Variants in MAGI2 observed in about 807,000 individuals in gnomAD.
MAGI2 encodes the protein membrane associated guanylate kinase, WW and PDZ domain containing 2.
Under a neutral mutation model 133.3 loss-of-function variants are expected in MAGI2, and 35 were observed. The ratio of observed to expected loss-of-function variants is 0.26; its 90% CI spans 0.20 to 0.35. The LOEUF (loss-of-function observed/expected upper bound fraction) is 0.35, where lower values mean the gene tolerates loss of function less well. Among genes scored for constraint, MAGI2 ranks in the 10% least tolerant of loss-of-function variants. The pLI is 1.00. For synonymous variants in MAGI2, 729 were observed against 710.6 expected (o/e 1.03, Z -0.41); for missense variants, 1,636 against 1,863.4 (o/e 0.88, Z 2.25).
At chr7:78,690,924 C>T (rs1258446577) in intron 2 of MAGI2, among the ~76,000 whole-genome samples, 1 of 152,168 alleles carries the variant, frequency 6.6e-6, no homozygotes, top group Non-Finnish European at 1.5e-5. Flanking sequence ...AATGACACTG[C>T]ATGCAAAGCT....
intron 1 of MAGI2, among the ~76,000 whole-genome samples, chr7:79,248,033 G>T (rs1316866248): frequency 6.6e-6 from 1 of 152,014 alleles, no homozygotes; most frequent in Non-Finnish European, 1.5e-5. Flanking sequence ...TAATAACATT[G>T]AATGTAAATG....
intron 1 of MAGI2, among the ~76,000 whole-genome samples, chr7:79,027,273 T>A (rs969686971): frequency 5.3e-5 from 8 of 151,822 alleles, no homozygotes; most frequent in Non-Finnish European, 5.9e-5. Context: ...ACAATAGCCA[T>A]TTCATGGAAT....
intron 1 of MAGI2, among the ~76,000 whole-genome samples, chr7:79,282,297 C>A (rs898477483): frequency 6.6e-6 from 1 of 152,252 alleles, no homozygotes; most frequent in South Asian, 2.1e-4. Flanking sequence ...AGAGCTGCGG[C>A]AGGCTTGCTT....
intron 2 of MAGI2, among the ~76,000 whole-genome samples, chr7:78,760,746 G>A (rs2151298660): frequency 6.6e-6 from 1 of 152,294 alleles, no homozygotes; most frequent in Non-Finnish European, 1.5e-5. Context: ...ATGTAAGTGT[G>A]TGTGCAAGAA....
intron 2 of MAGI2, among the ~76,000 whole-genome samples, chr7:78,807,935 G>A (rs1453456006): frequency 6.6e-6 from 1 of 152,122 alleles, no homozygotes; most frequent in Admixed American, 6.5e-5. Flanking sequence ...GATAGTAGAT[G>A]CTAGTGCCTT....
intron 1 of MAGI2, among the ~76,000 whole-genome samples, chr7:79,318,780 G>A (rs968552793): frequency 2.0e-5 from 3 of 152,090 alleles, no homozygotes; most frequent in African/African-American, 7.2e-5. Flanking sequence ...CAAATTTGCT[G>A]TAGTTTTTCT....
At chr7:78,396,490 T>G (rs1186616066) in intron 6 of MAGI2, among the ~76,000 whole-genome samples, 1 of 152,172 alleles carries the variant, frequency 6.6e-6, no homozygotes. Flanking sequence ...CATAGCTGGC[T>G]CCTCATCATT....
At chr7:78,329,559 T>C (rs932747878) in intron 9 of MAGI2, among the ~76,000 whole-genome samples, 4 of 152,234 alleles carry the variant, frequency 2.6e-5, no homozygotes, top group Admixed American at 1.3e-4. Context: ...CAATATCCTA[T>C]ATATTTAATT....
At chr7:79,093,095 T>A (rs1457514531) in intron 1 of MAGI2, among the ~76,000 whole-genome samples, 1 of 151,926 alleles carries the variant, frequency 6.6e-6, no homozygotes, top group Non-Finnish European at 1.5e-5. Context: ...ATTTTATAAA[T>A]GAGGCAACTA....
chr7:78,629,220 T>C (rs1169034082), intron 2 of MAGI2, among the ~76,000 whole-genome samples: 1 of 152,162 alleles, frequency 6.6e-6, no homozygotes, highest in Non-Finnish European at 1.5e-5. Flanking sequence ...ACCTCTGTGA[T>C]TGAGTTCTTC....
chr7:78,298,961 G>A (rs756842894), intron 9 of MAGI2, among the ~76,000 whole-genome samples: 4 of 151,688 alleles, frequency 2.6e-5, no homozygotes, highest in East Asian at 3.9e-4. Context: ...GACCACAGGC[G>A]CACGCCACCA....
intron 1 of MAGI2, among the ~76,000 whole-genome samples, chr7:79,082,809 C>T (rs1396684642): frequency 6.6e-6 from 1 of 151,792 alleles, no homozygotes; most frequent in Non-Finnish European, 1.5e-5. Flanking sequence ...GGGGTATTGC[C>T]TCTTAACAAT....
intron 20 of MAGI2, among the ~76,000 whole-genome samples, chr7:78,106,965 C>T (rs965656689): frequency 2.0e-5 from 3 of 152,196 alleles, no homozygotes; most frequent in African/African-American, 4.8e-5. Flanking sequence ...TCCCCAACTA[C>T]TTTTAGTAGT....
At chr7:79,071,618 T>C (rs968433781) in intron 1 of MAGI2, among the ~76,000 whole-genome samples, 4 of 121,740 alleles carry the variant, frequency 3.3e-5, no homozygotes, top group African/African-American at 1.2e-4. Flanking sequence ...CTGACTGGGC[T>C]TCCTGCAATT....
In MAGI2 at chr7:78,316,764, C is replaced by T. The variant is rs189120633; in HGVS notation, c.1408+27014G>A. 1.1e-4 allele frequency among the ~76,000 whole-genome samples: 16 copies of T among 152,186 alleles called. No homozygotes were observed. In the East Asian group the frequency reaches 2.9e-3, roughly 28 times the overall value. ...CTTGAGAAGCACTTAAATTATAACC[C>T]TAGAGTGAGTAAATACTGTTCAATC... On this transcript the variant is annotated intron_variant, in intron 9 of 21. Transcript: ENST00000354212.
rs1554394140 is a variant in MAGI2, at chr7:79,171,743, A to ATATATATATAT, written c.302-164538_302-164537insATATATATATA. Among the ~76,000 whole-genome samples, 238 of 29,440 alleles carry ATATATATATAT rather than the reference A, an allele frequency of 8.1e-3. 73 individuals are homozygous for ATATATATATAT. The highest frequency in any genetic ancestry group is 0.077 in the Middle Eastern group (2 of 26). The allele number at this position is 29,440 out of a possible 152,430, so 19.3% of individuals were successfully genotyped here. On this transcript the variant is annotated intron_variant, in intron 1 of 21. Coordinates refer to ENST00000354212, the MANE Select transcript of MAGI2 (RefSeq NM_012301.4). The stretch of plus-strand genomic sequence containing the variant: ...AAAATTAAGCAAGACAATAGCCAAA[A>ATATATATATAT]ATATATATATATATATATATATATA...
intron 10 of MAGI2, among the ~76,000 whole-genome samples, chr7:78,226,341 G>A (rs1467298532): frequency 1.3e-5 from 2 of 151,056 alleles, no homozygotes; most frequent in African/African-American, 4.9e-5. Flanking sequence ...AAAAAAAAGT[G>A]GCCAGCAGGA....
chr7:79,016,008 G>GC (rs1158127442), intron 1 of MAGI2, among the ~76,000 whole-genome samples: 6 of 115,896 alleles, frequency 5.2e-5, no homozygotes, highest in South Asian at 7.7e-4. Context: ...CGGGGGGGGG[G>GC]GGTGGGGGTT....
chr7:78,500,614 G>A (rs1368170669), intron 5 of MAGI2, among the ~76,000 whole-genome samples: 1 of 152,112 alleles, frequency 6.6e-6, no homozygotes, highest in Admixed American at 6.5e-5. Flanking sequence ...TTTTAAAAAT[G>A]TCCTAAAAGA....
Sources: gnomAD v4.1 joint callset for allele counts (sites outside exome capture counted in the v4.1 genomes callset) on GRCh38, gnomAD v4.1.1 for gene constraint, MANE v1.5 for transcripts, NCBI Gene and HGNC (gene_info 2026-07-23, HGNC 2026-07-21) for gene names.